PAK3: variants seen among roughly 807,000 people sequenced by gnomAD.
PAK3 encodes the protein p21 (RAC1) activated kinase 3, also known as serine/threonine-protein kinase PAK 3.
A neutral mutation model predicts 41.0 loss-of-function variants in PAK3; 4 were observed. That is an observed-to-expected ratio of 0.10 (90% CI 0.05 to 0.22). The LOEUF (loss-of-function observed/expected upper bound fraction) is 0.22, where lower values mean the gene tolerates loss of function less well. PAK3 is among the 10% of genes least tolerant of loss of function. The pLI, the probability that PAK3 is intolerant of heterozygous loss-of-function variation, is 1.00. For missense variants in PAK3, 205 were observed against 409.9 expected (o/e 0.50, Z 4.32); for synonymous variants, 146 against 139.6 (o/e 1.05, Z -0.32).
chrX:110,989,569 A>G (rs778213131), intron 1 of PAK3, among the ~76,000 whole-genome samples: 3 of 112,209 alleles, frequency 2.7e-5, no homozygotes, highest in Non-Finnish European at 3.8e-5. Context: ...TATGTTTGTG[A>G]TCCAGATAGA....
In PAK3 at chrX:111,031,206, T is replaced by C. The variant is rs373761660; in HGVS notation, c.-28+86578T>C. 2.7e-5 allele frequency among the ~76,000 whole-genome samples: 3 copies of C among 111,969 alleles called. 1 individual carries two copies. ...GAAATAGATATGTGGAACAAGGAAC[T>C]AGAATACAGTAAGTGAGGACTAGAT... On this transcript the variant is annotated intron_variant, in intron 1 of 14. Coordinates refer to the PAK3 transcript ENST00000425146.
chrX:110,985,296 C>G (rs966470642), intron 1 of PAK3, among the ~76,000 whole-genome samples: 1 of 111,025 alleles, frequency 9.0e-6, no homozygotes, highest in African/African-American at 3.3e-5. Context: ...ATTTTCTGTC[C>G]CTTGAGTTCA....
Position 111,155,907 on chromosome X carries a change from C to A in PAK3, c.468+3460C>A, listed in dbSNP as rs180941503. Reference sequence around the variant, plus strand: ...AGGAAATAAGTCTTGAAGGTTAAGGCGGAACCAAATCATACAGGCCCCTAA... The same window carrying A: ...AGGAAATAAGTCTTGAAGGTTAAGGAGGAACCAAATCATACAGGCCCCTAA... On this transcript the variant is annotated intron_variant, in intron 8 of 17. Coordinates refer to ENST00000372007, the MANE Select transcript of PAK3 (RefSeq NM_002578.5). Among the ~76,000 whole-genome samples the A allele has an allele frequency of 6.3e-5, 7 of 111,791 alleles. No individual in the cohort carries two copies. The East Asian group carries it at 2.0e-3, about 32-fold the overall frequency.
At chrX:111,154,894 T>A (rs1360554654) in intron 8 of PAK3, among the ~76,000 whole-genome samples, 1 of 111,955 alleles carries the variant, frequency 8.9e-6, no homozygotes, top group East Asian at 2.8e-4. Flanking sequence ...TTTTTTAGGT[T>A]GGTCAGTTAT....
At chrX:111,149,360 G>A (rs1569409676) in intron 7 of PAK3, among the ~76,000 whole-genome samples, 1 of 111,579 alleles carries the variant, frequency 9.0e-6, no homozygotes, top group Non-Finnish European at 1.9e-5. Flanking sequence ...TCTGGAGGAC[G>A]GTGGCCCTCT....
intron 4 of PAK3, among the ~76,000 whole-genome samples, chrX:111,117,801 G>A (rs1398537037): frequency 8.9e-6 from 1 of 111,981 alleles, no homozygotes; most frequent in African/African-American, 3.2e-5. Context: ...TTACGACTGA[G>A]GGGCTCTTAC....
chrX:111,185,236 A>T (rs983073206), intron 11 of PAK3, among the ~76,000 whole-genome samples: 3 of 110,937 alleles, frequency 2.7e-5, no homozygotes, highest in Non-Finnish European at 5.7e-5. Context: ...TCACTTTTTG[A>T]TGGGATTGTT....
At chrX:110,961,480 G>C (rs1569497031) in intron 1 of PAK3, among the ~76,000 whole-genome samples, 1 of 111,403 alleles carries the variant, frequency 9.0e-6, no homozygotes, top group Non-Finnish European at 1.9e-5. Context: ...CCAAGCTCCT[G>C]CCCTTCTACC....
At chrX:111,207,100 A>G (rs3066973) in intron 16 of PAK3, among the ~76,000 whole-genome samples, 9,118 of 101,894 alleles carry the variant, frequency 0.089, 1,037 homozygotes, top group African/African-American at 0.32. Context: ...GTGTGTGTGT[A>G]TATATATATA....
chrX:111,145,184 T>C (rs961115163), intron 6 of PAK3, among the ~76,000 whole-genome samples: 1 of 112,150 alleles, frequency 8.9e-6, no homozygotes, highest in African/African-American at 3.2e-5. Context: ...CTTTGTGGCA[T>C]ACATTCAAAT....
chrX:111,034,579 G>T (rs998850621), intron 1 of PAK3, among the ~76,000 whole-genome samples: 1 of 111,660 alleles, frequency 9.0e-6, no homozygotes, highest in African/African-American at 3.3e-5. Context: ...CAAAGGATGG[G>T]CTTGCTGTCA....
At chrX:111,065,364 T>G (rs1486409827) in intron 1 of PAK3, among the ~76,000 whole-genome samples, 1 of 110,999 alleles carries the variant, frequency 9.0e-6, no homozygotes, top group Non-Finnish European at 1.9e-5. Flanking sequence ...ATCACATTTA[T>G]TGATTTATGT....
At position 111,141,988 on chromosome X, in the gene PAK3, G is replaced by A. The variant is rs1278272529; in HGVS notation, c.176-108G>A. The A allele has an allele frequency of 1.1e-5, 6 of 548,083 alleles. 1 individual carries two copies. Among genetic ancestry groups the A allele is most frequent in the South Asian group, 2.4e-5 (1 of 41,322 alleles). 45.2% of individuals were successfully genotyped at this position (548,083 alleles called of 1,213,427 possible). ...GTTAAGTGTTGTTAAAATTGTGTTG[G>A]AATCAATTGTCTTTCAACTTTGTAA... On this transcript the variant is annotated intron_variant, in intron 5 of 17. Transcript: ENST00000372007.
Position 111,058,932 on chromosome X carries a change from T to C in PAK3, c.-27-64145T>C, listed in dbSNP as rs1186501198. 3.6e-5 allele frequency among the ~76,000 whole-genome samples: 4 copies of C among 110,878 alleles called. No individual in the cohort carries two copies. The Admixed American group carries it at 3.8e-4, about 11-fold the overall frequency. ...GAAGAAACTGCTTTTCTCCTTTGAA[T>C]GGTCTTGGACTCTCAATTCTGTTCC... On this transcript the variant is annotated intron_variant, in intron 1 of 14. Coordinates refer to the PAK3 transcript ENST00000425146.
chrX:111,207,096 GTGTA>G (rs1167529515), intron 16 of PAK3, among the ~76,000 whole-genome samples: 15 of 107,133 alleles, frequency 1.4e-4, no homozygotes, highest in African/African-American at 4.8e-4. Context: ...GTGTGTGTGT[GTGTA>G]TATATATATA....
chrX:111,094,455 T>C (rs2092953346), upstream of PAK3, among the ~76,000 whole-genome samples: 1 of 111,200 alleles, frequency 9.0e-6, no homozygotes, highest in African/African-American at 3.3e-5. Context: ...TTAATATATA[T>C]ATTTTGAATT....
chrX:111,071,996 T>C (rs925831783), intron 1 of PAK3, among the ~76,000 whole-genome samples: 2 of 112,004 alleles, frequency 1.8e-5, no homozygotes, highest in Admixed American at 1.9e-4. Context: ...TGTTCTCTGG[T>C]TACTTGGTCT....
intron 4 of PAK3, among the ~76,000 whole-genome samples, chrX:111,111,663 A>G (rs977186898): frequency 1.8e-5 from 2 of 111,816 alleles, no homozygotes; most frequent in African/African-American, 6.5e-5. Context: ...GTTATTTTTC[A>G]TCTCCATTCT....
At chrX:111,205,521 T>C (rs908085677) in intron 16 of PAK3, among the ~76,000 whole-genome samples, 2 of 110,435 alleles carry the variant, frequency 1.8e-5, no homozygotes, top group East Asian at 5.7e-4. Context: ...CTGGAGTAAA[T>C]CTGTATCCCA....
Sources: gnomAD v4.1 joint callset for allele counts (sites outside exome capture counted in the v4.1 genomes callset) on GRCh38, gnomAD v4.1.1 for gene constraint, MANE v1.5 for transcripts, NCBI Gene and HGNC (gene_info 2026-07-23, HGNC 2026-07-21) for gene names.